Variants in DYNC1I1 observed in about 807,000 individuals in gnomAD.
DYNC1I1 encodes the protein dynein cytoplasmic 1 intermediate chain 1.
In DYNC1I1, 43 loss-of-function variants were observed where a neutral mutation model predicts 86.6. That is an observed-to-expected ratio of 0.50 (90% CI 0.39 to 0.64). DYNC1I1 has a LOEUF of 0.64. Among genes scored for constraint, DYNC1I1 ranks in the 30% least tolerant of loss-of-function variants. The pLI is 0.00. For missense variants in DYNC1I1, 604 were observed against 788.8 expected (o/e 0.77, Z 2.81); for synonymous variants, 262 against 283.7 (o/e 0.92, Z 0.77).
intron 15 of DYNC1I1, among the ~76,000 whole-genome samples, chr7:96,079,307 T>A (rs1462395169): frequency 6.6e-6 from 1 of 152,202 alleles, no homozygotes; most frequent in Admixed American, 6.5e-5. Flanking sequence ...TGGCATGAGA[T>A]GATCCTAGTG....
intron 9 of DYNC1I1, among the ~76,000 whole-genome samples, 195 bp downstream of exon 9, chr7:95,987,350 G>A (rs534398786): frequency 3.3e-5 from 5 of 152,228 alleles, no homozygotes; most frequent in African/African-American, 9.6e-5. Context: ...CTATGTGCTA[G>A]GTACCAAACA....
At chr7:95,827,651 C>T (rs558277426) in intron 4 of DYNC1I1, among the ~76,000 whole-genome samples, 12 of 152,134 alleles carry the variant, frequency 7.9e-5, no homozygotes, top group South Asian at 2.1e-4. Context: ...TGCACCCTTG[C>T]GTTTAGTTCT....
chr7:95,884,450 T>C (rs1252489451), intron 6 of DYNC1I1, among the ~76,000 whole-genome samples: 1 of 151,646 alleles, frequency 6.6e-6, no homozygotes, highest in African/African-American at 2.4e-5. Flanking sequence ...TTGCCCAGAC[T>C]GGAGTCCAGT....
intron 5 of DYNC1I1, among the ~76,000 whole-genome samples, chr7:95,853,639 A>G (rs1173326934): frequency 6.6e-6 from 1 of 152,172 alleles, no homozygotes; most frequent in Non-Finnish European, 1.5e-5. Context: ...CCTACAACTG[A>G]TGGATGGAAT....
chr7:96,030,448 T>C (rs1465807915), intron 11 of DYNC1I1, among the ~76,000 whole-genome samples: 2 of 151,358 alleles, frequency 1.3e-5, no homozygotes, highest in Admixed American at 6.6e-5. Flanking sequence ...TGAGTTTTAT[T>C]ACTCATGGAA....
intron 6 of DYNC1I1, among the ~76,000 whole-genome samples, chr7:95,927,386 A>T (rs1252953496): frequency 6.6e-6 from 1 of 152,130 alleles, no homozygotes; most frequent in Non-Finnish European, 1.5e-5. Context: ...GGGCTACGGG[A>T]GCGTCACAAG....
chr7:96,076,580 C>T (rs965389303), intron 15 of DYNC1I1, among the ~76,000 whole-genome samples: 2 of 152,130 alleles, frequency 1.3e-5, no homozygotes, highest in Non-Finnish European at 2.9e-5. Context: ...TTAGATTGGG[C>T]TTTTAAAAAG....
chr7:96,034,197 A>T (rs562963432), intron 12 of DYNC1I1, among the ~76,000 whole-genome samples: 1 of 152,104 alleles, frequency 6.6e-6, no homozygotes, highest in Non-Finnish European at 1.5e-5. Flanking sequence ...TTACAATTGA[A>T]GTTCCACTAT....
intron 6 of DYNC1I1, among the ~76,000 whole-genome samples, chr7:95,901,616 A>G (rs890297493): frequency 6.6e-6 from 1 of 152,054 alleles, no homozygotes; most frequent in African/African-American, 2.4e-5. Context: ...TAGGATCCCA[A>G]ATTCTCCTTT....
chr7:95,854,244 T>C (rs1448294627), intron 5 of DYNC1I1, among the ~76,000 whole-genome samples: 1 of 152,190 alleles, frequency 6.6e-6, no homozygotes, highest in Admixed American at 6.5e-5. Context: ...TGTTCCTTTG[T>C]AGTTAAGTGA....
chr7:95,776,473 T>C (rs1031208055), intron 1 of DYNC1I1, among the ~76,000 whole-genome samples: 10 of 152,166 alleles, frequency 6.6e-5, no homozygotes, highest in Non-Finnish European at 1.5e-4. Flanking sequence ...CCCACTAAAA[T>C]TGAGGCAAAT....
intron 3 of DYNC1I1, among the ~76,000 whole-genome samples, chr7:95,812,467 G>A (rs577949982): frequency 1.3e-5 from 2 of 152,032 alleles, no homozygotes; most frequent in Non-Finnish European, 2.9e-5. Flanking sequence ...AGCTTGTGCC[G>A]ACCTTGATCT....
chr7:96,008,038 G>A (rs1179430107), intron 10 of DYNC1I1, among the ~76,000 whole-genome samples: 1 of 152,152 alleles, frequency 6.6e-6, no homozygotes, highest in Non-Finnish European at 1.5e-5. Context: ...GGAATGCTCT[G>A]CTCTTGAAGG....
At chr7:96,095,462 A>G (rs2116328375) in intron 16 of DYNC1I1, among the ~76,000 whole-genome samples, 1 of 152,260 alleles carries the variant, frequency 6.6e-6, no homozygotes, top group East Asian at 1.9e-4. Flanking sequence ...ATATAGCTTT[A>G]TGTTTGGGAA....
intron 14 of DYNC1I1, among the ~76,000 whole-genome samples, chr7:96,061,153 G>T (rs989169983): frequency 2.6e-5 from 4 of 152,174 alleles, no homozygotes; most frequent in African/African-American, 9.6e-5. Flanking sequence ...AGGAGATGGT[G>T]AATGCAGCCG....
At chr7:96,010,799 G>A (rs1794257709) in intron 10 of DYNC1I1, among the ~76,000 whole-genome samples, 1 of 152,176 alleles carries the variant, frequency 6.6e-6, no homozygotes, top group African/African-American at 2.4e-5. Flanking sequence ...CACAATGACT[G>A]TCTATACAGG....
rs190554056 is a variant in DYNC1I1 at position 95,826,534 on chromosome 7, G to A, written c.315-1523G>A. On this transcript the variant is annotated intron_variant, in intron 4 of 16. Coordinates refer to ENST00000447467, the MANE Select transcript of DYNC1I1 (RefSeq NM_001135556.2). ...TATCGTATTATATAAGCACATATGC[G>A]CGATACAGTTCTAGGCATATCCCTA... Among the ~76,000 whole-genome samples the A allele has an allele frequency of 3.7e-4, 57 of 152,206 alleles. 1 individual carries two copies. Among genetic ancestry groups the A allele is most frequent in the African/African-American group, 1.2e-3 (49 of 41,536 alleles).
At chr7:95,783,399 C>T (rs1014758725) in intron 1 of DYNC1I1, among the ~76,000 whole-genome samples, 1 of 152,148 alleles carries the variant, frequency 6.6e-6, no homozygotes, top group Non-Finnish European at 1.5e-5. Context: ...ATGAGTGAGA[C>T]TGAGTGCTTG....
intron 6 of DYNC1I1, among the ~76,000 whole-genome samples, chr7:95,962,637 C>T (rs1308936404): frequency 1.3e-5 from 2 of 152,128 alleles, no homozygotes; most frequent in Admixed American, 1.3e-4. Flanking sequence ...CATTGTTTCA[C>T]ACAACAATTC....
Sources: gnomAD v4.1 joint callset for allele counts (sites outside exome capture counted in the v4.1 genomes callset) on GRCh38, gnomAD v4.1.1 for gene constraint, MANE v1.5 for transcripts, NCBI Gene and HGNC (gene_info 2026-07-23, HGNC 2026-07-21) for gene names.